Variants in MAD2L1BP observed in about 807,000 individuals in gnomAD.
MAD2L1BP encodes the protein MAD2L1 binding protein, also known as MAD2L1-binding protein.
A neutral mutation model predicts 28.4 loss-of-function variants in MAD2L1BP; 22 were observed. That is an observed-to-expected ratio of 0.77 (90% CI 0.55 to 1.10). The LOEUF (loss-of-function observed/expected upper bound fraction) is 1.10, where lower values mean the gene tolerates loss of function less well. MAD2L1BP is among the 50% of genes least tolerant of loss of function. The pLI is 0.00. For synonymous variants in MAD2L1BP, 146 were observed against 133.7 expected (o/e 1.09, Z -0.63); for missense variants, 325 against 350.5 (o/e 0.93, Z 0.58).
At chr6:43,639,608 A>T (rs1582367607) in intron 2 of MAD2L1BP, among the ~76,000 whole-genome samples, 2 of 152,264 alleles carry the variant, frequency 1.3e-5, no homozygotes, top group Non-Finnish European at 2.9e-5. Flanking sequence ...GTGGAAGTGC[A>T]AATAAGCATG....
chr6:43,636,603 C>T lies in MAD2L1BP; in HGVS notation c.269C>T (p.Pro90Leu). 4 of 1,614,142 alleles carry T rather than the reference C, an allele frequency of 2.5e-6. No homozygotes were observed. Among genetic ancestry groups the T allele is most frequent in the South Asian group, 1.1e-5 (1 of 91,084 alleles). Residue 90 changes from proline (P) to leucine (L), a missense_variant, in exon 2 of 3, where the codon CCC (proline) becomes CTC (leucine). By Grantham distance (98) the Pro-to-Leu change is moderately conservative (BLOSUM62 -3). Coordinates refer to ENST00000372171, the MANE Select transcript of MAD2L1BP (RefSeq NM_014628.3). ...IMYQRQQLPL[P>L]YEQLKHFYRK... ...TATCAACGCCAGCAGCTCCCTCTGCCCTATGAACAGCTTAAGCACTTTTAC... is the reference window on the plus strand; with the variant it reads ...TATCAACGCCAGCAGCTCCCTCTGCTCTATGAACAGCTTAAGCACTTTTAC...
Position 43,629,871 on chromosome 6 carries a change from T to G in MAD2L1BP, c.20+102T>G, listed in dbSNP as rs997323613. 39 of 1,393,896 alleles carry G rather than the reference T, an allele frequency of 2.8e-5. No individual in the cohort carries two copies. The East Asian group carries it at 9.8e-4, about 35-fold the overall frequency. 86.3% of individuals were successfully genotyped at this position (1,393,896 alleles called of 1,614,324 possible). A position where few individuals can be genotyped will look rare whatever the true frequency, so the allele number is the denominator to read the frequency against. On this transcript the variant is annotated intron_variant, in intron 1 of 3. Coordinates refer to the MAD2L1BP transcript ENST00000451025. Reference sequence around the variant, plus strand: ...GCTACCTTTACATAGTAGTCACTGCTTTATTACCAGGCTGGCACCGTCCAG... The same window carrying G: ...GCTACCTTTACATAGTAGTCACTGCGTTATTACCAGGCTGGCACCGTCCAG...
chr6:43,638,809 A>AT (rs1275907882), intron 2 of MAD2L1BP, among the ~76,000 whole-genome samples: 3 of 151,794 alleles, frequency 2.0e-5, no homozygotes, highest in East Asian at 1.9e-4. Flanking sequence ...AAAAAAAAAA[A>AT]GAATAAATCA....
At chr6:43,630,603 C>G (rs925806430) in intron 1 of MAD2L1BP, among the ~76,000 whole-genome samples, 1 of 152,028 alleles carries the variant, frequency 6.6e-6, no homozygotes, top group South Asian at 2.1e-4. Flanking sequence ...ATTAGCTGGG[C>G]GTGGTGGCGC....
chr6:43,636,054 C>T (rs778894978), intron 1 of MAD2L1BP, 133 bp downstream of exon 1: 103 of 914,518 alleles, frequency 1.1e-4, no homozygotes, highest in Middle Eastern at 2.9e-4. Context: ...CTACACGGCT[C>T]TGGCTGTGAC....
At chr6:43,638,938 G>A (rs922770176) in intron 2 of MAD2L1BP, among the ~76,000 whole-genome samples, 3 of 152,124 alleles carry the variant, frequency 2.0e-5, no homozygotes, top group African/African-American at 7.2e-5. Flanking sequence ...CTGGATGGGG[G>A]AGAAATTTGG....
intron 1 of MAD2L1BP, among the ~76,000 whole-genome samples, chr6:43,630,197 ACT>A (rs890045974): frequency 4.6e-5 from 7 of 151,944 alleles, no homozygotes; most frequent in African/African-American, 9.7e-5. Flanking sequence ...TTGGCTTTTG[ACT>A]CTCTTGTGAA....
intron 2 of MAD2L1BP, among the ~76,000 whole-genome samples, chr6:43,638,364 G>A (rs1770372590): frequency 6.6e-6 from 1 of 152,086 alleles, no homozygotes; most frequent in African/African-American, 2.4e-5. Context: ...TTTTGCCTGA[G>A]GATATTAATT....
In MAD2L1BP at chr6:43,636,637, T is replaced by G. The variant is rs1360028476; in HGVS notation, c.303T>G (p.Pro101=). Residue 101 remains proline, a synonymous_variant, in exon 2 of 3, where the codon CCT becomes CCG. Transcript: ENST00000372171. ...YEQLKHFYRK[P]SPQAEEMLKK... is the part of the protein sequence containing the mutation. The stretch of plus-strand genomic sequence containing the variant: ...AGCTTAAGCACTTTTACCGAAAACC[T>G]TCTCCCCAGGTAGGCACAGGCTTTG... 2 of 1,612,418 alleles carry G rather than the reference T, an allele frequency of 1.2e-6. No homozygotes were observed. The highest frequency in any genetic ancestry group is 1.7e-5 in the Admixed American group (1 of 59,970).
At chr6:43,637,764 A>C (rs1253979326) in intron 2 of MAD2L1BP, among the ~76,000 whole-genome samples, 1 of 150,904 alleles carries the variant, frequency 6.6e-6, no homozygotes, top group African/African-American at 2.4e-5. Context: ...ATGTCCAGCT[A>C]ATTTTTGTAT....
intron 2 of MAD2L1BP, among the ~76,000 whole-genome samples, chr6:43,637,584 C>T (rs1223157397): frequency 1.3e-5 from 2 of 151,688 alleles, no homozygotes; most frequent in African/African-American, 4.8e-5. Context: ...CACCACCACA[C>T]CCAGCTAATT....
Position 43,640,576 on chromosome 6 carries a change from T to C in MAD2L1BP, c.*43T>C. The C allele has an allele frequency of 6.6e-7, 1 of 1,520,270 alleles. No individual in the cohort carries two copies. Among genetic ancestry groups the C allele is most frequent in the Non-Finnish European group, 8.8e-7 (1 of 1,133,812 alleles). 94.2% of individuals were successfully genotyped at this position (1,520,270 alleles called of 1,614,324 possible). On this transcript the variant is annotated 3_prime_UTR_variant, in exon 3 of 3. Transcript: ENST00000372171. ...CTAAAAACACAATGGCTGAATTATC[T>C]TTCTCCATGTGGCGCTGAATCACCC... is the stretch of plus-strand genomic sequence containing the variant.
chr6:43,634,553 CT>C (rs968566882), upstream of MAD2L1BP, among the ~76,000 whole-genome samples: 9 of 151,682 alleles, frequency 5.9e-5, no homozygotes, highest in African/African-American at 1.9e-4. Context: ...CAGTCTCTTT[CT>C]TTTTTTTCTT....
upstream of MAD2L1BP, among the ~76,000 whole-genome samples, chr6:43,632,742 C>A (rs963860239): frequency 6.7e-6 from 1 of 149,920 alleles, no homozygotes; most frequent in African/African-American, 2.5e-5. Flanking sequence ...TGGACTCAGC[C>A]GGGTGCGGTG....
chr6:43,640,165 C>A lies in MAD2L1BP; in HGVS notation c.457C>A (p.Leu153Ile). 1 of 1,613,228 alleles carries A rather than the reference C, an allele frequency of 6.2e-7. No individual in the cohort carries two copies. The highest frequency in any genetic ancestry group is 8.5e-7 in the Non-Finnish European group (1 of 1,179,400). ...ARTLVPRVLI[L>I]LGGNALSPKE... is the part of the protein sequence containing the mutation. ...GACACTAGTACCGCGAGTGCTGATTCTCCTTGGGGGCAATGCCCTAAGCCC... is the reference window on the plus strand; with the variant it reads ...GACACTAGTACCGCGAGTGCTGATTATCCTTGGGGGCAATGCCCTAAGCCC... Residue 153 changes from leucine to isoleucine, a missense_variant, in exon 3 of 3, where the codon CTC becomes ATC. By Grantham distance (5) the Leu-to-Ile change is conservative. Coordinates refer to ENST00000372171, the MANE Select transcript of MAD2L1BP (RefSeq NM_014628.3).
chr6:43,639,144 C>CT lies in MAD2L1BP; in HGVS notation c.313-864dup, dbSNP rs112595245. ...GAACTCTTAACTCTTCATCTTCTTT[C>CT]TTTTTTTTTTTTTGAGACAGAGTCT... On this transcript the variant is annotated intron_variant, in intron 2 of 2. Transcript: ENST00000372171. 5.3e-3 allele frequency among the ~76,000 whole-genome samples: 771 copies of CT among 145,520 alleles called. 7 individuals are homozygous for CT. Among genetic ancestry groups the CT allele is most frequent in the African/African-American group, 0.014 (544 of 40,018 alleles).
upstream of MAD2L1BP, among the ~76,000 whole-genome samples, chr6:43,634,044 A>C (rs900547427): frequency 6.6e-6 from 1 of 152,060 alleles, no homozygotes; most frequent in Non-Finnish European, 1.5e-5. Flanking sequence ...TCTTAAATAC[A>C]TACCTTTATT....
In MAD2L1BP at chr6:43,640,319, A is replaced by G. The variant is rs1321806671; in HGVS notation, c.611A>G (p.Gln204Arg). The G allele has an allele frequency of 6.2e-7, 1 of 1,613,398 alleles. No homozygotes were observed. Among genetic ancestry groups the G allele is most frequent in the African/African-American group, 1.3e-5 (1 of 74,902 alleles). ...ATGGCTGATGCCTTTAGCGAGCTTC[A>G]GGCTCCTCCACTCATGGGCACCGTC... Reference protein sequence around the residue: ...IFMADAFSELQAPPLMGTVVM... With the variant: ...IFMADAFSELRAPPLMGTVVM... The change falls in exon 3 of 3, where the codon CAG becomes CGG. Residue 204 changes from glutamine to arginine, a missense_variant. Coordinates refer to ENST00000372171, the MANE Select transcript of MAD2L1BP (RefSeq NM_014628.3).
upstream of MAD2L1BP, chr6:43,635,741 T>C (rs1770166798): frequency 1.2e-6 from 1 of 834,888 alleles, no homozygotes; most frequent in South Asian, 2.1e-5. Context: ...CCAGCTCCAC[T>C]TAACCTCCCC....
Sources: allele counts gnomAD v4.1 joint callset (sites outside exome capture counted in the v4.1 genomes callset), GRCh38; gene constraint gnomAD v4.1.1; transcripts MANE v1.5; gene names NCBI Gene and HGNC (gene_info 2026-07-23, HGNC 2026-07-21).